Variants in DLG2 observed in about 807,000 individuals in gnomAD.
DLG2 encodes discs large MAGUK scaffold protein 2.
Under a neutral mutation model 132.5 loss-of-function variants are expected in DLG2, and 45 were observed. The observed-to-expected ratio is 0.34, with a 90% confidence interval of 0.27 to 0.44. The LOEUF (loss-of-function observed/expected upper bound fraction) is 0.44, where lower values mean the gene tolerates loss of function less well. DLG2 is among the 20% of genes least tolerant of loss of function. The probability of loss-of-function intolerance (pLI) is 1.00; values close to 1 mark genes in which losing one functional copy is unlikely to be tolerated. For synonymous variants in DLG2, 424 were observed against 419.6 expected (o/e 1.01, Z -0.13); for missense variants, 1,045 against 1,196.9 (o/e 0.87, Z 1.87).
rs554978439 is a variant in DLG2 at position 85,405,347 on chromosome 11, C to T, written c.41-119982G>A. Among the ~76,000 whole-genome samples, 34 of 151,972 alleles carry T rather than the reference C, an allele frequency of 2.2e-4. 1 individual carries two copies. The South Asian group carries it at 5.4e-3, about 24-fold the overall frequency. On this transcript the variant is annotated intron_variant, in intron 3 of 27. Coordinates refer to ENST00000376104, the MANE Select transcript of DLG2 (RefSeq NM_001142699.3). The stretch of plus-strand genomic sequence containing the variant: ...GTACAACATGGCCAAGAAGTCCTTA[C>T]GCATAAGATTTTGTCTTCTGTGAGT...
chr11:83,565,208 C>T (rs1485682088), intron 19 of DLG2, among the ~76,000 whole-genome samples: 1 of 152,152 alleles, frequency 6.6e-6, no homozygotes, highest in Non-Finnish European at 1.5e-5. Flanking sequence ...GACCATTGTG[C>T]TGGAGAATCA....
chr11:84,324,091 C>T (rs2098419074), intron 7 of DLG2, among the ~76,000 whole-genome samples: 3 of 151,928 alleles, frequency 2.0e-5, no homozygotes, highest in African/African-American at 7.2e-5. Context: ...ATTTTTGTTT[C>T]TGTTTCCTGT....
intron 6 of DLG2, among the ~76,000 whole-genome samples, chr11:84,927,727 TATG>T (rs1379496727): frequency 3.3e-4 from 50 of 152,138 alleles, no homozygotes; most frequent in African/African-American, 1.1e-3. Context: ...CAGAAAATAT[TATG>T]ATGATGATTA....
At chr11:84,398,515 T>G (rs911321652) in intron 7 of DLG2, among the ~76,000 whole-genome samples, 1 of 152,194 alleles carries the variant, frequency 6.6e-6, no homozygotes, top group Non-Finnish European at 1.5e-5. Context: ...AATGAGTATT[T>G]TTTAAGACCC....
chr11:83,470,173 AT>A (rs1390226925), intron 24 of DLG2, among the ~76,000 whole-genome samples: 4 of 150,756 alleles, frequency 2.7e-5, no homozygotes, highest in African/African-American at 9.7e-5. Flanking sequence ...TTACGATGAT[AT>A]TTTTGTCACA....
At chr11:84,032,111 C>T (rs1421267466) in intron 11 of DLG2, among the ~76,000 whole-genome samples, 1 of 152,062 alleles carries the variant, frequency 6.6e-6, no homozygotes, top group East Asian at 1.9e-4. Flanking sequence ...TCCCCAAGAC[C>T]CCGAGGCTAA....
At chr11:84,548,452 C>T (rs147099446) in intron 6 of DLG2, among the ~76,000 whole-genome samples, 7,244 of 138,646 alleles carry the variant, frequency 0.052, 209 homozygotes, top group South Asian at 0.083. Flanking sequence ...CCACAACAGG[C>T]CCCGGTGTGT....
At chr11:84,130,772 A>C (rs1236262690) in intron 9 of DLG2, among the ~76,000 whole-genome samples, 3 of 151,900 alleles carry the variant, frequency 2.0e-5, no homozygotes, top group Non-Finnish European at 2.9e-5. Flanking sequence ...GTAAAGATGC[A>C]TGAAATTTAC....
intron 21 of DLG2, among the ~76,000 whole-genome samples, chr11:83,516,146 T>A (rs1331822070): frequency 2.0e-5 from 3 of 152,194 alleles, no homozygotes; most frequent in African/African-American, 7.2e-5. Flanking sequence ...TCCATTATTA[T>A]TCTGTGGGAG....
chr11:85,228,600 G>A (rs1463339225), intron 4 of DLG2, among the ~76,000 whole-genome samples: 1 of 151,868 alleles, frequency 6.6e-6, no homozygotes, highest in Non-Finnish European at 1.5e-5. Flanking sequence ...TTATACTTTT[G>A]CATTTAAGCC....
chr11:83,967,381 A>T (rs2090445499), intron 12 of DLG2, among the ~76,000 whole-genome samples: 1 of 152,118 alleles, frequency 6.6e-6, no homozygotes, highest in Admixed American at 6.6e-5. Context: ...TTTTCTCCAC[A>T]TCCTCACTGA....
intron 10 of DLG2, among the ~76,000 whole-genome samples, chr11:84,065,695 C>T (rs1023857538): frequency 6.6e-6 from 1 of 152,162 alleles, no homozygotes; most frequent in African/African-American, 2.4e-5. Flanking sequence ...ACCATTCAAC[C>T]TAGAAATCCC....
At chr11:83,880,296 T>C (rs1254287634) in intron 15 of DLG2, among the ~76,000 whole-genome samples, 1 of 152,216 alleles carries the variant, frequency 6.6e-6, no homozygotes, top group East Asian at 1.9e-4. Flanking sequence ...AGGAAATCTA[T>C]AGTCAGGGAG....
At chr11:85,062,419 CAA>C (rs1261976756) in intron 6 of DLG2, among the ~76,000 whole-genome samples, 4 of 150,526 alleles carry the variant, frequency 2.7e-5, no homozygotes, top group African/African-American at 9.8e-5. Context: ...CTACTTTGCC[CAA>C]GAGAGAGGGT....
At chr11:85,114,174 C>T (rs1000120546) in intron 5 of DLG2, among the ~76,000 whole-genome samples, 3 of 151,992 alleles carry the variant, frequency 2.0e-5, no homozygotes, top group African/African-American at 7.2e-5. Flanking sequence ...CATTCTCCTT[C>T]TTCAGTATCT....
chr11:84,066,230 GA>G lies in DLG2; in HGVS notation c.750-6747del, dbSNP rs1191998328. On this transcript the variant is annotated intron_variant, in intron 10 of 27. Coordinates refer to ENST00000376104, the MANE Select transcript of DLG2 (RefSeq NM_001142699.3). ...CCCCGAAACTAAAGGTTTAAAAAAA[GA>G]AAAAAATAATAAATGCATATTCACC... Among the ~76,000 whole-genome samples the G allele has an allele frequency of 2.6e-5, 4 of 151,974 alleles. No individual in the cohort carries two copies. The South Asian group carries it at 8.3e-4, about 32-fold the overall frequency.
At chr11:85,188,701 T>C (rs2080307158) in intron 4 of DLG2, among the ~76,000 whole-genome samples, 2 of 152,200 alleles carry the variant, frequency 1.3e-5, no homozygotes. Context: ...TTCTGAAGTA[T>C]AACATTTAAT....
At chr11:84,864,076 G>C (rs1157018515) in intron 6 of DLG2, among the ~76,000 whole-genome samples, 1 of 152,158 alleles carries the variant, frequency 6.6e-6, no homozygotes, top group Non-Finnish European at 1.5e-5. Context: ...GGAATATATT[G>C]GACAGGTTAC....
chr11:84,419,118 A>G (rs571921112), intron 7 of DLG2, among the ~76,000 whole-genome samples: 1 of 152,290 alleles, frequency 6.6e-6, no homozygotes, highest in Admixed American at 6.5e-5. Flanking sequence ...AAAAATACAG[A>G]AAAGAGAAGG....
Sources: allele counts gnomAD v4.1 joint callset (sites outside exome capture counted in the v4.1 genomes callset), GRCh38; gene constraint gnomAD v4.1.1; transcripts MANE v1.5; gene names NCBI Gene and HGNC (gene_info 2026-07-23, HGNC 2026-07-21).